Variants in TDRD12 observed in about 807,000 individuals in gnomAD.
TDRD12 encodes tudor domain containing 12, also known as putative ATP-dependent RNA helicase TDRD12.
TDRD12 carries 158 observed loss-of-function variants against 133.5 expected under a neutral mutation model. That is an observed-to-expected ratio of 1.18 (90% CI 1.04 to 1.35). The LOEUF is 1.35. TDRD12 is among the 40% of genes most tolerant of loss of function. The pLI is 0.00. For synonymous variants in TDRD12, 460 were observed against 477.9 expected (o/e 0.96, Z 0.49); for missense variants, 1,443 against 1,321.3 (o/e 1.09, Z -1.43).
At chr19:32,729,765 A>ACTTTTT (rs1568445047) in intron 1 of TDRD12, among the ~76,000 whole-genome samples, 6 of 124,742 alleles carry the variant, frequency 4.8e-5, no homozygotes, top group Admixed American at 8.7e-5. Flanking sequence ...TCTGGTGACT[A>ACTTTTT]CTTTTTCTTT....
chr19:32,766,155 A>G (rs1047375095), intron 8 of TDRD12, among the ~76,000 whole-genome samples: 32 of 152,170 alleles, frequency 2.1e-4, no homozygotes, highest in African/African-American at 6.3e-4. Flanking sequence ...GTTGTGTCCA[A>G]TCTGTCAATC....
At chr19:32,726,359 G>A (rs1339689880) in intron 1 of TDRD12, among the ~76,000 whole-genome samples, 1 of 152,098 alleles carries the variant, frequency 6.6e-6, no homozygotes, top group Non-Finnish European at 1.5e-5. Flanking sequence ...GATTACAGGC[G>A]TGAACCACCA....
At chr19:32,786,628 A>G (rs1970914784) in intron 11 of TDRD12, among the ~76,000 whole-genome samples, 1 of 150,958 alleles carries the variant, frequency 6.6e-6, no homozygotes, top group Non-Finnish European at 1.5e-5. Flanking sequence ...ATTTCTTTTT[A>G]CTCTTTTTTC....
At chr19:32,793,426 T>G (rs554617569) in intron 13 of TDRD12, among the ~76,000 whole-genome samples, 1 of 151,840 alleles carries the variant, frequency 6.6e-6, no homozygotes, top group Non-Finnish European at 1.5e-5. Flanking sequence ...AAGGTGATGG[T>G]GAAGGATGAT....
At chr19:32,805,973 C>A (rs976568706) in intron 21 of TDRD12, among the ~76,000 whole-genome samples, 2 of 152,124 alleles carry the variant, frequency 1.3e-5, no homozygotes, top group East Asian at 3.9e-4. Flanking sequence ...CTCAGCTGAT[C>A]CACCTGCCTC....
At chr19:32,777,990 C>T (rs540419609) in intron 11 of TDRD12, among the ~76,000 whole-genome samples, 1 of 148,074 alleles carries the variant, frequency 6.8e-6, no homozygotes, top group South Asian at 2.2e-4. Flanking sequence ...GGATTGCAGG[C>T]ATGACCACAG....
chr19:32,772,018 A>G (rs1970455694), intron 8 of TDRD12, among the ~76,000 whole-genome samples: 2 of 152,226 alleles, frequency 1.3e-5, no homozygotes, highest in South Asian at 2.1e-4. Flanking sequence ...TATAATGCTC[A>G]TGGGTTCTGT....
In TDRD12 at chr19:32,812,670, G is replaced by A. The variant is rs1429224658; in HGVS notation, c.3049-1014G>A. Among the ~76,000 whole-genome samples, 5 of 152,338 alleles carry A rather than the reference G, an allele frequency of 3.3e-5. No homozygotes were observed. In the East Asian group the frequency reaches 9.6e-4, roughly 29 times the overall value. On this transcript the variant is annotated intron_variant, in intron 24 of 27. Coordinates refer to ENST00000444215, the Ensembl canonical transcript of TDRD12. ...TCTTTCCCCAAGAAACATCTGACCT[G>A]TAAAGATGACTGACCAAAAGTATTT... is the stretch of plus-strand genomic sequence containing the variant.
At chr19:32,794,925 T>G (rs1168767905) in intron 14 of TDRD12, 112 bp downstream of exon 14, 2 of 618,962 alleles carry the variant, frequency 3.2e-6, no homozygotes, top group Non-Finnish European at 5.8e-6. Flanking sequence ...TTTTCAAACT[T>G]CCAGGCCAGA....
At chr19:32,744,927 C>A (rs1488096082) in intron 4 of TDRD12, among the ~76,000 whole-genome samples, 1 of 152,206 alleles carries the variant, frequency 6.6e-6, no homozygotes, top group Non-Finnish European at 1.5e-5. Context: ...GTTTGGTGAC[C>A]TTCCCATTCT....
intron 1 of TDRD12, among the ~76,000 whole-genome samples, chr19:32,730,774 G>A (rs780366813): frequency 1.3e-5 from 2 of 152,162 alleles, no homozygotes; most frequent in Non-Finnish European, 2.9e-5. Flanking sequence ...CCAGCACTTT[G>A]GGAGGCTGAG....
chr19:32,772,843 C>T lies in TDRD12; in HGVS notation c.956C>T (p.Thr319Ile). ...CACCATTGCATCTCTTTAAAAGATA[C>T]AAATAAGGTTGTATTTTAAAAATGT... The change falls in exon 9 of 28, where the codon ACA becomes ATA. Residue 319 changes from threonine to isoleucine, a missense_variant. Transcript: ENST00000444215. 2.1e-6 allele frequency: 3 copies of T among 1,439,224 alleles called. No individual in the cohort carries two copies. Among genetic ancestry groups the T allele is most frequent in the Non-Finnish European group, 2.8e-6 (3 of 1,084,768 alleles). 89.2% of individuals were successfully genotyped at this position (1,439,224 alleles called of 1,614,324 possible). A position where few individuals can be genotyped will look rare whatever the true frequency, so the allele number is the denominator to read the frequency against.
chr19:32,750,746 G>T (rs145784623), intron 6 of TDRD12, among the ~76,000 whole-genome samples: 132 of 152,240 alleles, frequency 8.7e-4, no homozygotes, highest in African/African-American at 2.9e-3. Flanking sequence ...GCCTCTCATG[G>T]CATTGACTGC....
Position 32,800,371 on chromosome 19 carries a change from G to T in TDRD12, c.1950+13G>T. 3 of 1,460,588 alleles carry T rather than the reference G, an allele frequency of 2.1e-6. No individual in the cohort carries two copies. Among genetic ancestry groups the T allele is most frequent in the South Asian group, 2.8e-5 (2 of 72,436 alleles). 90.5% of individuals were successfully genotyped at this position (1,460,588 alleles called of 1,614,324 possible). On this transcript the variant is annotated intron_variant, in intron 17 of 27. Transcript: ENST00000444215. ...CAATGTCCAACAGGTAACTTTGTGT[G>T]TATGTGTATGTGTATGTGTGTGTGT...
chr19:32,743,756 C>T (rs961360923), intron 4 of TDRD12, among the ~76,000 whole-genome samples: 2 of 152,004 alleles, frequency 1.3e-5, no homozygotes, highest in East Asian at 1.9e-4. Flanking sequence ...AGGCCAGGCG[C>T]GGTGGCTTAC....
intron 22 of TDRD12, among the ~76,000 whole-genome samples, chr19:32,808,021 C>T (rs570321929): frequency 1.3e-5 from 2 of 152,130 alleles, no homozygotes; most frequent in South Asian, 2.1e-4. Flanking sequence ...GCCAGGAGTT[C>T]AAGACCAGCC....
exon 16 of TDRD12, chr19:32,798,323 C>T (rs1019039323): frequency 1.6e-5 from 24 of 1,533,348 alleles, no homozygotes; most frequent in East Asian, 1.2e-4. Flanking sequence ...GTGATTGTTA[C>T]GACCCCATAC....
intron 21 of TDRD12, among the ~76,000 whole-genome samples, chr19:32,806,101 T>C (rs546013500): frequency 6.6e-6 from 1 of 152,170 alleles, no homozygotes; most frequent in East Asian, 1.9e-4. Context: ...AGGGAGTGCA[T>C]TGATTGTGTT....
rs112674389 is a variant in TDRD12 at position 32,780,058 on chromosome 19, G to A, written c.1121+2829G>A. Among the ~76,000 whole-genome samples the A allele has an allele frequency of 1.4e-3, 213 of 150,464 alleles. 1 individual carries two copies. Among genetic ancestry groups the A allele is most frequent in the Middle Eastern group, 3.4e-3 (1 of 290 alleles). ...ACTGATTGAAGATGGAAAATTCTCC[G>A]AATATGCCCATTCTTTTTTTCTTTT... On this transcript the variant is annotated intron_variant, in intron 11 of 27. Coordinates refer to ENST00000444215, the Ensembl canonical transcript of TDRD12.
Sources: allele counts gnomAD v4.1 joint callset (sites outside exome capture counted in the v4.1 genomes callset), GRCh38; gene constraint gnomAD v4.1.1; transcripts MANE v1.5; gene names NCBI Gene and HGNC (gene_info 2026-07-23, HGNC 2026-07-21).